The following BACC1 variants were observed in gnomAD, a reference collection of about 807,000 sequenced individuals.
BACC1 encodes BPTF-associated chromatin complex component 1.
the BACC1 span, chr17:7,016,743 A>C: frequency 5.1e-6 from 8 of 1,566,088 alleles, no homozygotes; most frequent in South Asian, 9.2e-5. Context: ...GTTTAGTGAG[A>C]GAATTGGGCC....
the BACC1 span, chr17:7,015,304 G>C: frequency 7.2e-7 from 1 of 1,385,426 alleles, no homozygotes; most frequent in East Asian, 2.9e-5. Flanking sequence ...TGATCGTTGG[G>C]TGAGGGAATG....
the BACC1 span, chr17:7,014,966 G>T: frequency 3.5e-6 from 5 of 1,446,506 alleles, no homozygotes; most frequent in Non-Finnish European, 4.5e-6. The surrounding 1 kb of genome is among the most constrained non-coding windows in gnomAD (Gnocchi z 4.5). Context: ...CCCCGGGCGG[G>T]GGGCGGGCGG....
At chr17:7,017,450 C>G in the BACC1 span, 233 of 833,982 alleles carry the variant, frequency 2.8e-4, 1 homozygote, top group East Asian at 2.3e-3. Context: ...GCATAAGCAT[C>G]TGCCCCCAAC....
At chr17:7,015,957 C>T in the BACC1 span, 3 of 1,147,190 alleles carry the variant, frequency 2.6e-6, no homozygotes, top group African/African-American at 4.6e-5. Flanking sequence ...CTCAGAACTC[C>T]TTTCCAGCTC....
At chr17:7,016,933 G>T in the BACC1 span, 2 of 1,614,014 alleles carry the variant, frequency 1.2e-6, no homozygotes, top group South Asian at 1.1e-5. Flanking sequence ...TGCTCTGAAC[G>T]ACTCCGATGC....
chr17:7,014,959 C>T, the BACC1 span: 2 of 1,253,664 alleles, frequency 1.6e-6, no homozygotes, highest in Non-Finnish European at 2.0e-6. This position sits in a 1 kb window ranked among gnomAD's most constrained non-coding sequence, Gnocchi z 4.5. Context: ...TCTTCCGCCC[C>T]GGGCGGGGGG....
chr17:7,015,506 G>A, the BACC1 span: 1 of 1,396,654 alleles, frequency 7.2e-7, no homozygotes, highest in South Asian at 1.6e-5. Flanking sequence ...GTTTCAGTGT[G>A]CTGTGTACAG....
At chr17:7,016,369 A>T in the BACC1 span, 1 of 948,612 alleles carries the variant, frequency 1.1e-6, no homozygotes. Flanking sequence ...TGAGAACCCT[A>T]CCAATGGGTT....
At chr17:7,017,023 C>A in the BACC1 span, 2 of 1,597,424 alleles carry the variant, frequency 1.3e-6, no homozygotes, top group Non-Finnish European at 1.7e-6. Flanking sequence ...GGGTAGGAGT[C>A]CTCCTCCTCC....
the BACC1 span, chr17:7,016,433 G>A: frequency 5.0e-5 from 78 of 1,554,356 alleles, no homozygotes; most frequent in African/African-American, 7.5e-4. Context: ...TTCCCCTCCC[G>A]TCCCCTCTTC....
the BACC1 span, chr17:7,017,080 G>C: frequency 6.5e-7 from 1 of 1,549,882 alleles, no homozygotes; most frequent in East Asian, 2.2e-5. Context: ...TGGATGGCAG[G>C]GCACGGTCTC....
chr17:7,015,824 G>A, the BACC1 span: 2 of 1,614,146 alleles, frequency 1.2e-6, no homozygotes, highest in Non-Finnish European at 1.7e-6. Context: ...GCTGTGAAGC[G>A]ATTTGGGGAC....
the BACC1 span, chr17:7,016,806 A>C: frequency 5.9e-6 from 9 of 1,518,844 alleles, no homozygotes; most frequent in East Asian, 2.0e-4. Context: ...GTTCCCAGAG[A>C]GGGGCAGAGG....
chr17:7,014,846 G>A, the BACC1 span: 2 of 1,532,362 alleles, frequency 1.3e-6, no homozygotes, highest in Admixed American at 1.9e-5. This position sits in a 1 kb window ranked among gnomAD's most constrained non-coding sequence, Gnocchi z 4.5. Flanking sequence ...CCGTGAGGAG[G>A]CGCGCGGGGC....
the BACC1 span, chr17:7,016,419 C>A: frequency 6.7e-7 from 1 of 1,498,482 alleles, no homozygotes; most frequent in Non-Finnish European, 9.1e-7. Context: ...ACTCCCAGAA[C>A]CCCTTCCCCT....
At chr17:7,016,849 C>CT in the BACC1 span, 1 of 1,556,658 alleles carries the variant, frequency 6.4e-7, no homozygotes, top group Non-Finnish European at 8.9e-7. Context: ...CTTTGGGAAG[C>CT]TTGGGGCTGG....
the BACC1 span, chr17:7,015,591 C>T: frequency 7.1e-7 from 1 of 1,399,414 alleles, no homozygotes; most frequent in Non-Finnish European, 9.4e-7. Flanking sequence ...TTGGGGTCCT[C>T]CCGGTTCCCG....
At chr17:7,016,561 G>A in the BACC1 span, 1 of 1,614,168 alleles carries the variant, frequency 6.2e-7, no homozygotes, top group Non-Finnish European at 8.5e-7. Flanking sequence ...TTCCAGCTGA[G>A]TCACCCAAGA....
chr17:7,016,726 A>T, the BACC1 span: 1 of 1,584,452 alleles, frequency 6.3e-7, no homozygotes. Flanking sequence ...TAAAGGTCCC[A>T]TCTGAGGTTT....
Sources: gnomAD v4.1 joint callset for allele counts on GRCh38, gnomAD v4.1.1 for gene constraint, Gnocchi (gnomAD v3.1) non-coding constraint, MANE v1.5 for transcripts, NCBI Gene and HGNC (gene_info 2026-07-23, HGNC 2026-07-21) for gene names.